The following TBC1D14 variants were observed in gnomAD, a reference collection of about 807,000 sequenced individuals.
TBC1D14 encodes TBC1 domain family member 14.
A neutral mutation model predicts 79.0 loss-of-function variants in TBC1D14; 26 were observed. The observed-to-expected ratio is 0.33, with a 90% CI of 0.24 to 0.46. The LOEUF (loss-of-function observed/expected upper bound fraction) is 0.46. Ranked by LOEUF, TBC1D14 falls within the 20% of genes least tolerant of loss-of-function variation. The pLI, the probability that TBC1D14 is intolerant of heterozygous loss-of-function variation, is 1.00. For synonymous variants in TBC1D14, 394 were observed against 349.9 expected, an observed-to-expected ratio of 1.13 and a Z score of -1.40; for missense variants, 769 against 887.6, an observed-to-expected ratio of 0.87 and a Z score of 1.70.
intron 2 of TBC1D14, among the ~76,000 whole-genome samples, chr4:6,924,764 CCT>C (rs992983419): frequency 6.6e-6 from 1 of 152,210 alleles, no homozygotes; most frequent in Non-Finnish European, 1.5e-5. Flanking sequence ...TCAGCTTCTG[CCT>C]CTCGTTTGTG....
chr4:7,006,087 C>T (rs1720167996), intron 8 of TBC1D14, among the ~76,000 whole-genome samples: 1 of 152,176 alleles, frequency 6.6e-6, no homozygotes, highest in African/African-American at 2.4e-5. Flanking sequence ...TGCCTGTAAT[C>T]CTAGCACTTT....
chr4:6,923,383 G>C lies in TBC1D14; in HGVS notation c.-7G>C. On this transcript the variant is annotated 5_prime_UTR_variant, in exon 2 of 14. Coordinates refer to ENST00000409757, the MANE Select transcript of TBC1D14 (RefSeq NM_020773.3). ...TTGTGTTTTTTCTAGTTTCTCCTTG[G>C]ACCAAGATGACTGATGGAAAACTCT... The C allele has an allele frequency of 1.3e-6, 2 of 1,585,444 alleles. No individual in the cohort carries two copies. The highest frequency in any genetic ancestry group is 1.7e-6 in the Non-Finnish European group (2 of 1,164,838).
At chr4:7,021,385 C>T (rs968982320) in intron 12 of TBC1D14, among the ~76,000 whole-genome samples, 1 of 152,118 alleles carries the variant, frequency 6.6e-6, no homozygotes, top group African/African-American at 2.4e-5. Flanking sequence ...ATCATTTTAG[C>T]CCAGGAGTTC....
At chr4:6,932,231 G>C (rs1243736299) in intron 2 of TBC1D14, among the ~76,000 whole-genome samples, 1 of 152,032 alleles carries the variant, frequency 6.6e-6, no homozygotes, top group Non-Finnish European at 1.5e-5. Flanking sequence ...GTGGTGGCAT[G>C]CACCTGTAAT....
chr4:6,955,769 C>A (rs1159848780), intron 2 of TBC1D14, among the ~76,000 whole-genome samples: 1 of 152,076 alleles, frequency 6.6e-6, no homozygotes, highest in East Asian at 1.9e-4. Flanking sequence ...TGATGAGTGT[C>A]CGTGGCTTGT....
intron 2 of TBC1D14, among the ~76,000 whole-genome samples, chr4:6,945,652 G>A (rs1713365230): frequency 6.6e-6 from 1 of 151,096 alleles, no homozygotes; most frequent in Non-Finnish European, 1.5e-5. Flanking sequence ...AGGAGGCTGA[G>A]GCAGGAGAAT....
intron 2 of TBC1D14, among the ~76,000 whole-genome samples, chr4:6,936,769 C>T (rs1020893872): frequency 2.0e-5 from 3 of 152,206 alleles, no homozygotes; most frequent in South Asian, 2.1e-4. Context: ...TTCTGTTGTT[C>T]CACATCCTCC....
intron 13 of TBC1D14, 62 bp from the exon 14 acceptor site, chr4:7,030,265 G>A (rs572343591): frequency 1.6e-5 from 25 of 1,542,354 alleles, no homozygotes; most frequent in East Asian, 1.4e-4. Flanking sequence ...TCTCTGCTTC[G>A]CTGCTGTCAG....
At chr4:6,954,475 C>T (rs1004426718) in intron 2 of TBC1D14, 7 of 694,028 alleles carry the variant, frequency 1.0e-5, no homozygotes, top group Admixed American at 2.1e-5. Flanking sequence ...GGGTCTCCCC[C>T]GGTGTGAAAT....
intron 12 of TBC1D14, among the ~76,000 whole-genome samples, chr4:7,022,916 T>G (rs937626075): frequency 6.6e-6 from 1 of 152,126 alleles, no homozygotes; most frequent in African/African-American, 2.4e-5. Context: ...CTATAAAAAC[T>G]ATTTGACTAT....
chr4:6,978,800 C>A (rs1316790798), intron 3 of TBC1D14, among the ~76,000 whole-genome samples: 2 of 149,444 alleles, frequency 1.3e-5, no homozygotes, highest in African/African-American at 2.5e-5. Flanking sequence ...TGAAAAGAAT[C>A]TAGAAAATGA....
At chr4:6,915,189 G>T (rs1196683273) in intron 1 of TBC1D14, among the ~76,000 whole-genome samples, 1 of 152,212 alleles carries the variant, frequency 6.6e-6, no homozygotes, top group African/African-American at 2.4e-5. Context: ...GAACCGTGCT[G>T]CCCTCCAGGG....
intron 2 of TBC1D14, among the ~76,000 whole-genome samples, chr4:6,928,813 G>A (rs961991426): frequency 6.6e-6 from 1 of 152,206 alleles, no homozygotes; most frequent in African/African-American, 2.4e-5. Flanking sequence ...AGGGAAATAG[G>A]AACAAGTTCA....
chr4:6,956,734 C>T lies in TBC1D14; in HGVS notation c.723-10570C>T, dbSNP rs150341821. Among the ~76,000 whole-genome samples the T allele has an allele frequency of 1.1e-4, 16 of 152,352 alleles. No individual in the cohort carries two copies. In the East Asian group the frequency reaches 2.9e-3, roughly 28 times the overall value. On this transcript the variant is annotated intron_variant, in intron 2 of 13. Transcript: ENST00000409757. The stretch of plus-strand genomic sequence containing the variant: ...CACTTCTCAGCCAATGCAGGTGATA[C>T]GAGGTTACCTCCCACCTTGTGGCTT...
chr4:7,014,756 T>C (rs1474577150), intron 12 of TBC1D14, among the ~76,000 whole-genome samples, 199 bp downstream of exon 12: 1 of 152,070 alleles, frequency 6.6e-6, no homozygotes, highest in East Asian at 1.9e-4. Context: ...AGGGGAGAAA[T>C]GGTATCTTGG....
At chr4:7,017,068 A>T (rs1721361998) in intron 12 of TBC1D14, among the ~76,000 whole-genome samples, 1 of 152,244 alleles carries the variant, frequency 6.6e-6, no homozygotes, top group East Asian at 1.9e-4. Flanking sequence ...TGGGAGGCCC[A>T]GGCGGGCAGA....
intron 13 of TBC1D14, among the ~76,000 whole-genome samples, chr4:7,026,820 C>T (rs1722419799): frequency 6.6e-6 from 1 of 152,070 alleles, no homozygotes; most frequent in South Asian, 2.1e-4. Context: ...CCATTTGAGC[C>T]TGGGAGGTCA....
intron 8 of TBC1D14, 152 bp from the exon 9 acceptor site, chr4:7,006,480 C>T (rs565822148): frequency 8.7e-6 from 5 of 575,242 alleles, no homozygotes; most frequent in South Asian, 2.3e-5. Context: ...GTTAAATACT[C>T]TGAAGCTGCA....
intron 2 of TBC1D14, among the ~76,000 whole-genome samples, chr4:6,965,345 G>A (rs555129542): frequency 2.0e-5 from 3 of 152,194 alleles, no homozygotes; most frequent in African/African-American, 7.2e-5. Context: ...CTTTTAATCT[G>A]AAACAGTTCC....
Sources: gnomAD v4.1 joint callset for allele counts (sites outside exome capture counted in the v4.1 genomes callset) on GRCh38, gnomAD v4.1.1 for gene constraint, MANE v1.5 for transcripts, NCBI Gene and HGNC (gene_info 2026-07-23, HGNC 2026-07-21) for gene names.